FOXO3: variants seen among roughly 807,000 people sequenced by gnomAD.
The protein encoded by FOXO3 is forkhead box O3.
A neutral mutation model predicts 41.9 loss-of-function variants in FOXO3; 4 were observed. That is an observed-to-expected ratio of 0.10 (90% CI 0.05 to 0.22). The LOEUF (loss-of-function observed/expected upper bound fraction) is 0.22, where lower values mean the gene tolerates loss of function less well. Ranked by LOEUF, FOXO3 falls within the 10% of genes least tolerant of loss-of-function variation. FOXO3 has a pLI of 1.00. For missense variants in FOXO3, 534 were observed against 906.8 expected (o/e 0.59, Z 5.28); for synonymous variants, 318 against 389.3 (o/e 0.82, Z 2.16).
At chr6:108,660,251 A>G (rs902248971) in intron 1 of FOXO3, among the ~76,000 whole-genome samples, 2 of 152,222 alleles carry the variant, frequency 1.3e-5, no homozygotes, top group African/African-American at 4.8e-5. Context: ...TGTTGAGAGC[A>G]TGCTTCATAC....
intron 2 of FOXO3, among the ~76,000 whole-genome samples, chr6:108,666,398 C>T (rs1050329667): frequency 5.9e-5 from 9 of 151,784 alleles, no homozygotes; most frequent in East Asian, 1.9e-4. Flanking sequence ...TACAGTGGCG[C>T]GATCTCGGCT....
chr6:108,663,353 A>C lies in FOXO3; in HGVS notation c.622-102A>C, dbSNP rs892336241. 3 of 1,485,076 alleles carry C rather than the reference A, an allele frequency of 2.0e-6. No homozygotes were observed. The South Asian group carries it at 4.3e-5, about 21-fold the overall frequency. The allele number at this position is 1,485,076 out of a possible 1,614,324, so 92.0% of individuals were successfully genotyped here. ...CAGAGTGAGACCTTGTCTCAAAAAA[A>C]TAAAATAAAAAATGAATGAGGAGTC... On this transcript the variant is annotated intron_variant, in intron 1 of 2. Coordinates refer to ENST00000406360, the MANE Select transcript of FOXO3 (RefSeq NM_001455.4).
chr6:108,584,119 G>A (rs1040857916), intron 1 of FOXO3, among the ~76,000 whole-genome samples: 3 of 152,144 alleles, frequency 2.0e-5, no homozygotes, highest in Non-Finnish European at 4.4e-5. Context: ...CCGCCGGCAC[G>A]GTAATGCATG....
intron 2 of FOXO3, among the ~76,000 whole-genome samples, chr6:108,675,494 T>C (rs1770550357): frequency 6.6e-6 from 1 of 152,218 alleles, no homozygotes; most frequent in African/African-American, 2.4e-5. Flanking sequence ...AGCTTGTGTT[T>C]TACACCCTGT....
intron 1 of FOXO3, among the ~76,000 whole-genome samples, chr6:108,651,958 A>G (rs1445008420): frequency 3.9e-5 from 6 of 152,194 alleles, no homozygotes; most frequent in Non-Finnish European, 8.8e-5. Flanking sequence ...TACATGTTTT[A>G]AATAGTATAG....
At chr6:108,562,571 G>A (rs1157471434) in intron 1 of FOXO3, among the ~76,000 whole-genome samples, 1 of 152,162 alleles carries the variant, frequency 6.6e-6, no homozygotes, top group Non-Finnish European at 1.5e-5. Flanking sequence ...TCCCGCCGAG[G>A]CCTGGATTCA....
chr6:108,627,639 C>T (rs1349906912), intron 1 of FOXO3, among the ~76,000 whole-genome samples: 2 of 151,944 alleles, frequency 1.3e-5, no homozygotes, highest in African/African-American at 4.8e-5. Context: ...CTGGGCCACA[C>T]TGGAAGAATT....
At chr6:108,562,508 G>C (rs894680288) in intron 1 of FOXO3, among the ~76,000 whole-genome samples, 4 of 152,090 alleles carry the variant, frequency 2.6e-5, no homozygotes, top group Non-Finnish European at 4.4e-5. Context: ...ATGTTCTGGG[G>C]CCTCGAACCG....
At chr6:108,570,812 T>C (rs886768313) in intron 1 of FOXO3, among the ~76,000 whole-genome samples, 3 of 152,236 alleles carry the variant, frequency 2.0e-5, no homozygotes, top group African/African-American at 7.2e-5. Flanking sequence ...ATATATAGTG[T>C]TTCCATGTAA....
chr6:108,656,523 T>C, intron 1 of FOXO3: 1 of 985,262 alleles, frequency 1.0e-6, no homozygotes, highest in Non-Finnish European at 1.2e-6. Flanking sequence ...TTAAAGTATA[T>C]GATGCTCGGA....
chr6:108,618,222 C>T, intron 1 of FOXO3: 1 of 838,662 alleles, frequency 1.2e-6, no homozygotes, highest in African/African-American at 1.6e-5. Flanking sequence ...CCCTGCCCCA[C>T]CACCTTCAAA....
At chr6:108,627,045 C>CA (rs1230876801) in intron 1 of FOXO3, among the ~76,000 whole-genome samples, 1 of 152,182 alleles carries the variant, frequency 6.6e-6, no homozygotes, top group Non-Finnish European at 1.5e-5. Flanking sequence ...TCCTAACTGT[C>CA]ATGGACACCA....
intron 1 of FOXO3, among the ~76,000 whole-genome samples, chr6:108,625,059 G>A (rs757737241): frequency 2.0e-5 from 3 of 152,128 alleles, no homozygotes; most frequent in Non-Finnish European, 4.4e-5. Context: ...CGGAATTATA[G>A]GTGCAAGCCA....
rs1402411128 is a variant in FOXO3 at position 108,682,059 on chromosome 6, T to G, written c.*2267T>G. On this transcript the variant is annotated 3_prime_UTR_variant, in exon 3 of 3. Transcript: ENST00000406360. ...CTTCCAGCATTAGGGTCCTGAGAACTTCTGAGTTCAGAGAAACATGCAAAG... is the reference window on the plus strand; with the variant it reads ...CTTCCAGCATTAGGGTCCTGAGAACGTCTGAGTTCAGAGAAACATGCAAAG... The G allele has an allele frequency of 6.6e-6, 1 of 152,356 alleles. No individual in the cohort carries two copies. The highest frequency in any genetic ancestry group is 2.4e-5 in the African/African-American group (1 of 41,432). 9.4% of individuals were successfully genotyped at this position (152,356 alleles called of 1,614,324 possible). A position where few individuals can be genotyped will look rare whatever the true frequency, so the allele number is the denominator to read the frequency against.
intron 1 of FOXO3, among the ~76,000 whole-genome samples, chr6:108,595,115 T>C (rs1776841825): frequency 6.6e-6 from 1 of 152,172 alleles, no homozygotes; most frequent in Non-Finnish European, 1.5e-5. Context: ...CTTCTACTCT[T>C]TCTGCTCCCC....
At chr6:108,666,024 T>C (rs1779048727) in intron 2 of FOXO3, among the ~76,000 whole-genome samples, 1 of 151,736 alleles carries the variant, frequency 6.6e-6, no homozygotes. Flanking sequence ...GGCAGTGTGA[T>C]GTAAGAAAAA....
intron 1 of FOXO3, among the ~76,000 whole-genome samples, chr6:108,606,742 A>G (rs1477288537): frequency 6.6e-6 from 1 of 152,184 alleles, no homozygotes; most frequent in Non-Finnish European, 1.5e-5. Flanking sequence ...GTTAAAATGT[A>G]TATTTTGATC....
intron 1 of FOXO3, among the ~76,000 whole-genome samples, chr6:108,643,799 T>TGACCTTA (rs1404063230): frequency 2.0e-5 from 3 of 152,196 alleles, no homozygotes; most frequent in South Asian, 2.1e-4. Flanking sequence ...AGTGAAGATC[T>TGACCTTA]GACCTTAGTG....
intron 2 of FOXO3, among the ~76,000 whole-genome samples, chr6:108,669,204 C>T (rs987944637): frequency 1.3e-5 from 2 of 152,292 alleles, no homozygotes; most frequent in East Asian, 3.9e-4. Context: ...TGATACAGAG[C>T]TAGAAAGAAA....
Sources: allele counts gnomAD v4.1 joint callset (sites outside exome capture counted in the v4.1 genomes callset), GRCh38; gene constraint gnomAD v4.1.1; transcripts MANE v1.5; gene names NCBI Gene and HGNC (gene_info 2026-07-23, HGNC 2026-07-21).